Variants in NFAT5 observed in about 807,000 individuals in gnomAD.
NFAT5 encodes nuclear factor of activated T cells 5, also known as nuclear factor of activated T-cells 5.
Under a neutral mutation model 166.5 loss-of-function variants are expected in NFAT5, and 31 were observed. The observed-to-expected ratio is 0.19, with a 90% CI of 0.14 to 0.25. The LOEUF (loss-of-function observed/expected upper bound fraction) is 0.25. NFAT5 is among the 10% of genes least tolerant of loss of function. The probability of loss-of-function intolerance (pLI) is 1.00; values close to 1 mark genes in which losing one functional copy is unlikely to be tolerated. For missense variants in NFAT5, 1,449 were observed against 1,821.8 expected (o/e 0.80, Z 3.72); for synonymous variants, 612 against 639.7 (o/e 0.96, Z 0.65).
chr16:69,687,505 C>T (rs1170653231), intron 11 of NFAT5, among the ~76,000 whole-genome samples: 1 of 151,164 alleles, frequency 6.6e-6, no homozygotes, highest in Non-Finnish European at 1.5e-5. Context: ...TGCATATGGC[C>T]GTAGAAGGAC....
At chr16:69,630,177 T>C in intron 3 of NFAT5, among the ~76,000 whole-genome samples, 1 of 152,144 alleles carries the variant, frequency 6.6e-6, no homozygotes, top group Non-Finnish European at 1.5e-5. Context: ...CCTCAGGTGA[T>C]GGACCTGGCT....
chr16:69,611,633 G>A lies in NFAT5; in HGVS notation c.128-14770G>A, dbSNP rs2033707900. On this transcript the variant is annotated intron_variant, in intron 2 of 14. Transcript: ENST00000349945. ...AGGGTTTGCTCTCTGCTTTGAAGATGATGCTTTCTTATTGTGTACCCATGT... is the reference window on the plus strand; with the variant it reads ...AGGGTTTGCTCTCTGCTTTGAAGATAATGCTTTCTTATTGTGTACCCATGT... Among the ~76,000 whole-genome samples, 4 of 152,338 alleles carry A rather than the reference G, an allele frequency of 2.6e-5. No homozygotes were observed. The South Asian group carries it at 8.3e-4, about 32-fold the overall frequency.
At position 69,680,097 on chromosome 16, in the gene NFAT5, G is replaced by A. The variant is rs139511325; in HGVS notation, c.1690+2762G>A. On this transcript the variant is annotated intron_variant, in intron 10 of 14. Coordinates refer to ENST00000349945, the MANE Select transcript of NFAT5 (RefSeq NM_138713.4). ...TGCGCCAGTGTACTCCAGCCTGGGC[G>A]ACAGAGCAAGACTCCATCTCAAAAG... Among the ~76,000 whole-genome samples, 1,374 of 152,256 alleles carry A rather than the reference G, an allele frequency of 9.0e-3. 19 individuals are homozygous for A. Among genetic ancestry groups the A allele is most frequent in the African/African-American group, 0.032 (1,317 of 41,542 alleles).
intron 3 of NFAT5, among the ~76,000 whole-genome samples, chr16:69,627,092 A>G (rs1454316270): frequency 6.6e-6 from 1 of 151,722 alleles, no homozygotes; most frequent in African/African-American, 2.4e-5. Flanking sequence ...AAGGTATAGA[A>G]AGTAATGTTT....
At chr16:69,687,001 A>G (rs2037333826) in intron 11 of NFAT5, among the ~76,000 whole-genome samples, 1 of 152,226 alleles carries the variant, frequency 6.6e-6, no homozygotes, top group Non-Finnish European at 1.5e-5. Flanking sequence ...GAAAAAGATT[A>G]ATCTGATATT....
At chr16:69,644,833 G>A (rs936780659) in intron 3 of NFAT5, 1 of 455,236 alleles carries the variant, frequency 2.2e-6, no homozygotes, top group Non-Finnish European at 4.4e-6. Flanking sequence ...ATTCTCATGT[G>A]CATGATCCTT....
chr16:69,592,148 C>T (rs1175696035), intron 2 of NFAT5, among the ~76,000 whole-genome samples: 2 of 142,206 alleles, frequency 1.4e-5, no homozygotes, highest in South Asian at 2.2e-4. Flanking sequence ...GGTGTGATCT[C>T]GGCTCACTGC....
At chr16:69,667,494 T>TAAAAAAAAA (rs57015431) in intron 7 of NFAT5, among the ~76,000 whole-genome samples, 2 of 125,934 alleles carry the variant, frequency 1.6e-5, no homozygotes, top group Non-Finnish European at 3.6e-5. Flanking sequence ...TTGCAGAAAC[T>TAAAAAAAAA]AAAAAAAAAA....
chr16:69,634,528 A>G (rs140281137), intron 3 of NFAT5, among the ~76,000 whole-genome samples: 1 of 152,318 alleles, frequency 6.6e-6, no homozygotes, highest in East Asian at 1.9e-4. Context: ...CATTGCATAT[A>G]TGTATCAAGT....
intron 2 of NFAT5, among the ~76,000 whole-genome samples, chr16:69,569,299 G>A (rs181277814): frequency 2.6e-4 from 38 of 146,094 alleles, no homozygotes; most frequent in Admixed American, 2.5e-3. Flanking sequence ...GTAGAGAAGA[G>A]AAACTAAGGC....
At chr16:69,606,059 C>T (rs1158307551) in intron 2 of NFAT5, among the ~76,000 whole-genome samples, 1 of 152,120 alleles carries the variant, frequency 6.6e-6, no homozygotes, top group East Asian at 1.9e-4. Flanking sequence ...ATCCTTTTAC[C>T]CTCTGGAAGA....
In NFAT5 at chr16:69,618,623, A is replaced by G. The variant is rs143385151; in HGVS notation, c.128-7780A>G. ...ATGTGAAATTATAACCTTGGAATTT[A>G]CCAGCTGATTGAGATAGTTAATGGA... On this transcript the variant is annotated intron_variant, in intron 2 of 14. Transcript: ENST00000349945. 6.1e-4 allele frequency among the ~76,000 whole-genome samples: 93 copies of G among 152,356 alleles called. No homozygotes were observed. The East Asian group carries it at 0.017, about 27-fold the overall frequency.
At chr16:69,623,813 CT>C (rs1289989433) in intron 2 of NFAT5, among the ~76,000 whole-genome samples, 3 of 123,106 alleles carry the variant, frequency 2.4e-5, no homozygotes, top group Admixed American at 8.8e-5. Context: ...GGCCTCAAGT[CT>C]TTTTTTTTCT....
At chr16:69,646,724 C>A (rs117518366) in intron 3 of NFAT5, 802 of 249,922 alleles carry the variant, frequency 3.2e-3, no homozygotes, top group Middle Eastern at 8.1e-3. Flanking sequence ...GATTAAAATT[C>A]AATAGAATGT....
At chr16:69,645,787 A>T (rs958293322) in intron 3 of NFAT5, among the ~76,000 whole-genome samples, 2 of 152,158 alleles carry the variant, frequency 1.3e-5, no homozygotes, top group African/African-American at 4.8e-5. Context: ...TGTAATGACA[A>T]CCTTTCCATA....
intron 2 of NFAT5, among the ~76,000 whole-genome samples, chr16:69,615,592 C>G (rs541948015): frequency 6.6e-6 from 1 of 152,098 alleles, no homozygotes; most frequent in South Asian, 2.1e-4. Flanking sequence ...ACATTTATAC[C>G]TATATTTTTC....
At chr16:69,577,199 A>G (rs1281550187) in intron 2 of NFAT5, among the ~76,000 whole-genome samples, 1 of 151,648 alleles carries the variant, frequency 6.6e-6, no homozygotes, top group Non-Finnish European at 1.5e-5. Flanking sequence ...TCCTTTCTCT[A>G]TTTCCCTTCT....
At chr16:69,605,397 A>G (rs1045162244) in intron 2 of NFAT5, among the ~76,000 whole-genome samples, 5 of 152,120 alleles carry the variant, frequency 3.3e-5, no homozygotes, top group African/African-American at 1.2e-4. Flanking sequence ...CCAAGATTGT[A>G]CCACTGCACC....
intron 2 of NFAT5, among the ~76,000 whole-genome samples, chr16:69,603,158 G>A (rs1013358922): frequency 6.6e-6 from 1 of 151,996 alleles, no homozygotes; most frequent in Admixed American, 6.6e-5. Context: ...TGATCTGTGG[G>A]ACTTGGGATT....
Sources: allele counts gnomAD v4.1 joint callset (sites outside exome capture counted in the v4.1 genomes callset), GRCh38; gene constraint gnomAD v4.1.1; transcripts MANE v1.5; gene names NCBI Gene and HGNC (gene_info 2026-07-23, HGNC 2026-07-21).